The following SDHAF3 variants were observed in gnomAD, a reference collection of about 807,000 sequenced individuals.
SDHAF3 encodes succinate dehydrogenase assembly factor 3, mitochondrial.
A neutral mutation model predicts 11.5 loss-of-function variants in SDHAF3; 18 were observed. That is an observed-to-expected ratio of 1.56 (90% CI 1.08 to 2.32). SDHAF3 has a LOEUF of 2.32. Among genes scored for constraint, SDHAF3 ranks in the 30% most tolerant of loss-of-function variants. SDHAF3 has a pLI of 0.00. For synonymous variants in SDHAF3, 72 were observed against 59.3 expected (o/e 1.21, Z -0.99); for missense variants, 200 against 154.4 (o/e 1.30, Z -1.57).
chr7:97,144,782 A>G (rs756878614), intron 1 of SDHAF3, among the ~76,000 whole-genome samples: 9 of 152,136 alleles, frequency 5.9e-5, no homozygotes, highest in Non-Finnish European at 1.2e-4. Context: ...TACTTTGGCT[A>G]TGTGGGCTCT....
intron 1 of SDHAF3, among the ~76,000 whole-genome samples, chr7:97,129,747 T>A (rs1351615830): frequency 6.6e-6 from 1 of 152,152 alleles, no homozygotes; most frequent in East Asian, 1.9e-4. Context: ...GCCACTAGTC[T>A]CTATGCTCTG....
At chr7:97,176,076 C>CCATA (rs1202423299) in intron 1 of SDHAF3, among the ~76,000 whole-genome samples, 13 of 152,104 alleles carry the variant, frequency 8.5e-5, no homozygotes, top group African/African-American at 3.1e-4. Flanking sequence ...ATACTTGTGA[C>CCATA]CGTATTTTCA....
intron 1 of SDHAF3, among the ~76,000 whole-genome samples, chr7:97,167,044 A>ATTTTTTTT (rs71131005): frequency 1.4e-5 from 2 of 147,688 alleles, no homozygotes; most frequent in Non-Finnish European, 1.5e-5. Flanking sequence ...ACTTTCAGTG[A>ATTTTTTTT]TTTTTTTTTT....
chr7:97,137,938 T>C (rs558800506), intron 1 of SDHAF3, among the ~76,000 whole-genome samples: 94 of 138,244 alleles, frequency 6.8e-4, no homozygotes, highest in African/African-American at 2.3e-3. Context: ...AGTGGCACCA[T>C]CTTGGCTCAC....
chr7:97,118,150 G>A (rs192487485), intron 1 of SDHAF3, among the ~76,000 whole-genome samples: 1 of 152,066 alleles, frequency 6.6e-6, no homozygotes, highest in Non-Finnish European at 1.5e-5. Context: ...AAAGGGTGAG[G>A]GTAGGAGGTC....
chr7:97,167,588 T>G (rs533655904), intron 1 of SDHAF3, among the ~76,000 whole-genome samples: 1 of 152,128 alleles, frequency 6.6e-6, no homozygotes, highest in East Asian at 1.9e-4. Context: ...GTACAGGAGA[T>G]TAGTTTATTA....
chr7:97,169,335 G>C (rs535723674), intron 1 of SDHAF3, among the ~76,000 whole-genome samples: 1 of 150,508 alleles, frequency 6.6e-6, no homozygotes, highest in African/African-American at 2.5e-5. Context: ...TATCATGATC[G>C]TCTGCTTTGG....
At chr7:97,155,638 T>A (rs1334715086) in intron 1 of SDHAF3, among the ~76,000 whole-genome samples, 1 of 152,212 alleles carries the variant, frequency 6.6e-6, no homozygotes, top group African/African-American at 2.4e-5. Flanking sequence ...TAAGCTGCTT[T>A]AAATCAGAAA....
intron 1 of SDHAF3, among the ~76,000 whole-genome samples, chr7:97,126,214 C>T (rs1208171957): frequency 6.6e-6 from 1 of 152,188 alleles, no homozygotes; most frequent in Non-Finnish European, 1.5e-5. Flanking sequence ...AGCCAGAGCT[C>T]TCCTGTATGA....
chr7:97,122,184 G>A (rs1419674671), intron 1 of SDHAF3, among the ~76,000 whole-genome samples: 4 of 152,148 alleles, frequency 2.6e-5, no homozygotes, highest in Non-Finnish European at 5.9e-5. Flanking sequence ...TCCAGGAACT[G>A]CAGTGTTGTG....
chr7:97,179,301 G>A (rs1789734791), intron 1 of SDHAF3, among the ~76,000 whole-genome samples: 1 of 152,094 alleles, frequency 6.6e-6, no homozygotes, highest in Non-Finnish European at 1.5e-5. Context: ...GAGCTCCTTA[G>A]TTGTCCATTT....
intron 1 of SDHAF3, among the ~76,000 whole-genome samples, chr7:97,161,021 A>G (rs535398676): frequency 6.6e-6 from 1 of 152,260 alleles, no homozygotes; most frequent in South Asian, 2.1e-4. Context: ...AAAGTGAAAC[A>G]CATTTAGTAG....
chr7:97,155,850 C>G (rs953622010), intron 1 of SDHAF3, among the ~76,000 whole-genome samples: 1 of 147,608 alleles, frequency 6.8e-6, no homozygotes, highest in Admixed American at 6.9e-5. Context: ...AGCTAATATC[C>G]GAAGCATGAT....
chr7:97,139,477 G>GTA (rs755996992), intron 1 of SDHAF3, among the ~76,000 whole-genome samples: 11 of 152,336 alleles, frequency 7.2e-5, no homozygotes, highest in Non-Finnish European at 1.3e-4. Flanking sequence ...TTAGGGAAGG[G>GTA]TGTATATATG....
chr7:97,172,380 T>A (rs1410158612), intron 1 of SDHAF3, among the ~76,000 whole-genome samples: 6 of 152,206 alleles, frequency 3.9e-5, no homozygotes, highest in African/African-American at 1.4e-4. Flanking sequence ...GTAGCTTTTC[T>A]GCCTTCATAG....
At chr7:97,169,856 T>G (rs1349494571) in intron 1 of SDHAF3, among the ~76,000 whole-genome samples, 1 of 152,156 alleles carries the variant, frequency 6.6e-6, no homozygotes, top group African/African-American at 2.4e-5. Context: ...ATGACTAATA[T>G]TGATAGTAAA....
chr7:97,120,498 C>T (rs548721031), intron 1 of SDHAF3, among the ~76,000 whole-genome samples: 1 of 151,998 alleles, frequency 6.6e-6, no homozygotes, highest in East Asian at 1.9e-4. Context: ...TTTTCCCCCC[C>T]ACCTGTTCTT....
rs552472087 is a variant in SDHAF3 at position 97,120,336 on chromosome 7, G to A, written c.174+2439G>A. Among the ~76,000 whole-genome samples the A allele has an allele frequency of 1.6e-4, 24 of 152,248 alleles. No individual in the cohort carries two copies. In the South Asian group the frequency reaches 5.0e-3, roughly 32 times the overall value. On this transcript the variant is annotated intron_variant, in intron 1 of 1. Transcript: ENST00000432641. Reference sequence around the variant, plus strand: ...CTTAATCTAAGCCTGGGAGTTAGACGTGGTAGGTTGGATCCTACCAGGAAA... The same window carrying A: ...CTTAATCTAAGCCTGGGAGTTAGACATGGTAGGTTGGATCCTACCAGGAAA...
At chr7:97,175,487 C>G (rs116516156) in intron 1 of SDHAF3, among the ~76,000 whole-genome samples, 3 of 152,106 alleles carry the variant, frequency 2.0e-5, no homozygotes, top group Admixed American at 2.0e-4. Context: ...CTCCCACTTA[C>G]AAGTGAGAAT....
Sources: gnomAD v4.1 joint callset for allele counts (sites outside exome capture counted in the v4.1 genomes callset) on GRCh38, gnomAD v4.1.1 for gene constraint, MANE v1.5 for transcripts, NCBI Gene and HGNC (gene_info 2026-07-23, HGNC 2026-07-21) for gene names.